TUB: variants seen among roughly 807,000 people sequenced by gnomAD.
The protein encoded by TUB is TUB bipartite transcription factor, also known as tubby protein homolog.
In TUB, 33 loss-of-function variants were observed where a neutral mutation model predicts 59.7. The observed-to-expected ratio is 0.55, with a 90% CI of 0.42 to 0.74. The LOEUF (loss-of-function observed/expected upper bound fraction) is 0.74. TUB is among the 30% of genes least tolerant of loss of function. The probability of loss-of-function intolerance (pLI) is 0.00; values close to 1 mark genes in which losing one functional copy is unlikely to be tolerated. For synonymous variants in TUB, 293 were observed against 256.4 expected (o/e 1.14, Z -1.36); for missense variants, 659 against 672.0 (o/e 0.98, Z 0.21).
chr11:8,091,882 T>C (rs7929812), intron 3 of TUB, among the ~76,000 whole-genome samples: 2,297 of 152,306 alleles, frequency 0.015, 62 homozygotes, highest in African/African-American at 0.053. Flanking sequence ...TTCTGGGTCA[T>C]ATGGCGTGTG....
At chr11:8,041,502 T>A (rs1002785259) in intron 2 of TUB, among the ~76,000 whole-genome samples, 2 of 152,222 alleles carry the variant, frequency 1.3e-5, no homozygotes, top group Non-Finnish European at 1.5e-5. Context: ...TGGCTTGTTG[T>A]CTTCAACTTG....
upstream of TUB, among the ~76,000 whole-genome samples, chr11:8,081,186 G>T (rs1385777059): frequency 6.6e-6 from 1 of 151,562 alleles, no homozygotes; most frequent in Admixed American, 6.5e-5. Flanking sequence ...GAGGGAGAAG[G>T]GGCAGGCCGC....
chr11:8,036,714 G>A (rs1410251272), upstream of TUB, among the ~76,000 whole-genome samples: 3 of 152,192 alleles, frequency 2.0e-5, no homozygotes, highest in African/African-American at 7.2e-5. Context: ...CCTGCCCCAG[G>A]GAGCTATGAC....
At chr11:8,034,551 G>A (rs145795710), upstream of TUB, among the ~76,000 whole-genome samples, 570 of 152,220 alleles carry the variant, frequency 3.7e-3, 7 homozygotes, top group African/African-American at 0.013. Flanking sequence ...GACTGGCATC[G>A]CTCACCAGGG....
upstream of TUB, among the ~76,000 whole-genome samples, chr11:8,079,594 C>A (rs1474689648): frequency 6.6e-6 from 1 of 152,050 alleles, no homozygotes; most frequent in Non-Finnish European, 1.5e-5. Flanking sequence ...ATGTTGTGCC[C>A]GACAGAGATG....
chr11:8,090,187 T>A lies in TUB; in HGVS notation c.209T>A (p.Leu70Gln). ...RARQSEEQAP[L>Q]VESYLSSSGS... ...CGGCAGTCAGAGGAACAAGCCCCCC[T>A]GGTGGAGTCCTACCTCAGCAGCAGT... Residue 70 changes from leucine to glutamine, a missense_variant, in exon 3 of 12, where the codon CTG becomes CAG. Coordinates refer to ENST00000299506, the MANE Select transcript of TUB (RefSeq NM_177972.3). The A allele has an allele frequency of 6.2e-7, 1 of 1,613,732 alleles. No homozygotes were observed. Among genetic ancestry groups the A allele is most frequent in the Non-Finnish European group, 8.5e-7 (1 of 1,179,974 alleles).
At chr11:8,082,596 G>A (rs1277689686) in intron 1 of TUB, among the ~76,000 whole-genome samples, 3 of 152,166 alleles carry the variant, frequency 2.0e-5, no homozygotes, top group African/African-American at 4.8e-5. Flanking sequence ...ACGTGCTAGC[G>A]GACGGCAGGA....
intron 2 of TUB, among the ~76,000 whole-genome samples, chr11:8,058,352 G>A (rs962608503): frequency 1.3e-5 from 2 of 152,046 alleles, no homozygotes; most frequent in African/African-American, 2.4e-5. Context: ...TTGTGTCTGC[G>A]GGGTGGAACT....
chr11:8,100,780 T>G, intron 10 of TUB, 46 bp from the exon 11 acceptor site: 1 of 1,607,108 alleles, frequency 6.2e-7, no homozygotes, highest in Non-Finnish European at 8.5e-7. Context: ...GGGGTGGTCA[T>G]GGTGCCAAAG....
chr11:8,098,803 C>G lies in TUB; in HGVS notation c.1044C>G (p.Val348=). 6.2e-7 allele frequency: 1 copy of G among 1,614,158 alleles called. No individual in the cohort carries two copies. The highest frequency in any genetic ancestry group is 1.1e-5 in the South Asian group (1 of 91,068). The stretch of plus-strand genomic sequence containing the variant: ...AGTTCACTGTTTATGACAATGGAGT[C>G]AACCCTCAGAAGGCCTCATCCTCCA... ...GTKFTVYDNG[V]NPQKASSSTL... Residue 348 remains valine (V), a synonymous_variant, in exon 9 of 12, where the codon GTC becomes GTG. Transcript: ENST00000299506.
upstream of TUB, among the ~76,000 whole-genome samples, chr11:8,080,748 CAG>C (rs958503238): frequency 6.6e-5 from 10 of 152,212 alleles, no homozygotes; most frequent in Non-Finnish European, 1.5e-4. Flanking sequence ...AACCCAAAGA[CAG>C]AGGGTTCCCC....
At chr11:8,081,707 G>T (rs1943568045) in intron 1 of TUB, among the ~76,000 whole-genome samples, 159 bp downstream of exon 1, 1 of 152,180 alleles carries the variant, frequency 6.6e-6, no homozygotes, top group Admixed American at 6.5e-5. Context: ...CAACTTTGAG[G>T]GCCCCTGCGG....
intron 10 of TUB, 90 bp from the exon 11 acceptor site, chr11:8,100,736 C>A: frequency 1.3e-6 from 2 of 1,574,872 alleles, no homozygotes; most frequent in Admixed American, 1.7e-5. Flanking sequence ...TAGGGAAATC[C>A]AAGGACCCCC....
intron 1 of TUB, among the ~76,000 whole-genome samples, chr11:8,029,971 A>G (rs960419597): frequency 6.6e-6 from 1 of 152,042 alleles, no homozygotes; most frequent in Non-Finnish European, 1.5e-5. Context: ...GCTGGACTGG[A>G]TGGGGCAAAT....
At chr11:8,055,814 C>T (rs1380986707) in intron 2 of TUB, among the ~76,000 whole-genome samples, 1 of 152,252 alleles carries the variant, frequency 6.6e-6, no homozygotes, top group Admixed American at 6.5e-5. Flanking sequence ...GTCCTGACAG[C>T]ACCTGTGGAG....
chr11:8,058,589 G>A (rs769470786), intron 2 of TUB, among the ~76,000 whole-genome samples: 16 of 152,214 alleles, frequency 1.1e-4, no homozygotes, highest in African/African-American at 4.8e-5. Flanking sequence ...GCTCCATGGT[G>A]AATAGCAGAA....
Position 8,100,412 on chromosome 11 carries a change from ACTAGCTCTTCCTCTTTATTCCCGTC to A in TUB, c.1117-89_1117-65del, listed in dbSNP as rs1944222943. The A allele has an allele frequency of 4.1e-6, 4 of 981,054 alleles. No individual in the cohort carries two copies. The East Asian group carries it at 1.0e-4, about 25-fold the overall frequency. 60.8% of individuals were successfully genotyped at this position (981,054 alleles called of 1,614,324 possible). A position where few individuals can be genotyped will look rare whatever the true frequency, so the allele number is the denominator to read the frequency against. ...AGACTTCGGAGTGGAGATGGTGGGA[ACTAGCTCTTCCTCTTTATTCCCGTC>A]CCCCCCACCTTCTCCAGTAGGTAAA... On this transcript the variant is annotated intron_variant, in intron 9 of 11. Transcript: ENST00000299506.
chr11:8,079,673 G>GGTTGTGTGTGC (rs1564912859), upstream of TUB, among the ~76,000 whole-genome samples: 1 of 149,360 alleles, frequency 6.7e-6, no homozygotes, highest in Admixed American at 6.6e-5. Context: ...CATGTGTGTA[G>GGTTGTGTGTGC]GTGTGTGTAG....
chr11:8,068,077 C>T (rs1180001818), intron 2 of TUB: 1 of 152,218 alleles, frequency 6.6e-6, no homozygotes, highest in Admixed American at 6.5e-5. Flanking sequence ...CATGGAATCC[C>T]CTGACGTCCC....
Sources: allele counts gnomAD v4.1 joint callset (sites outside exome capture counted in the v4.1 genomes callset), GRCh38; gene constraint gnomAD v4.1.1; transcripts MANE v1.5; gene names NCBI Gene and HGNC (gene_info 2026-07-23, HGNC 2026-07-21).